ZNF609: variants seen among roughly 807,000 people sequenced by gnomAD.
ZNF609 encodes zinc finger protein 609.
A neutral mutation model predicts 109.5 loss-of-function variants in ZNF609; 11 were observed. The observed-to-expected ratio is 0.10, with a 90% CI of 0.06 to 0.17. The LOEUF is 0.17. Among genes scored for constraint, ZNF609 ranks in the 10% least tolerant of loss-of-function variants. The probability of loss-of-function intolerance (pLI) is 1.00; values close to 1 mark genes in which losing one functional copy is unlikely to be tolerated. For missense variants in ZNF609, 1,559 were observed against 1,772.4 expected (o/e 0.88, Z 2.16); for synonymous variants, 646 against 662.0 (o/e 0.98, Z 0.37).
intron 3 of ZNF609, among the ~76,000 whole-genome samples, chr15:64,623,653 T>A (rs900133222): frequency 1.3e-5 from 2 of 152,194 alleles, no homozygotes; most frequent in Non-Finnish European, 2.9e-5. Flanking sequence ...TCACTGTAGG[T>A]TGCTGTTGCC....
intron 2 of ZNF609, among the ~76,000 whole-genome samples, chr15:64,575,451 A>G (rs563650951): frequency 3.2e-4 from 48 of 152,054 alleles, no homozygotes; most frequent in African/African-American, 1.2e-3. Flanking sequence ...GGGGAAAACC[A>G]GAGGTTATCT....
chr15:64,591,790 G>A (rs1042490275), intron 2 of ZNF609, among the ~76,000 whole-genome samples: 18 of 151,388 alleles, frequency 1.2e-4, no homozygotes, highest in East Asian at 9.8e-4. Flanking sequence ...GCACGATCTC[G>A]ACCTACCGTG....
chr15:64,648,126 A>G (rs1015212048), intron 3 of ZNF609, among the ~76,000 whole-genome samples: 1 of 152,336 alleles, frequency 6.6e-6, no homozygotes. Context: ...TTAGTGTTTT[A>G]CACCGAAAAT....
At chr15:64,490,269 GTTGTTTTTT>G (rs2140343891) in intron 1 of ZNF609, among the ~76,000 whole-genome samples, 1 of 16,726 alleles carries the variant, frequency 6.0e-5, no homozygotes, top group African/African-American at 9.4e-5. Flanking sequence ...CCGGCCAGTA[GTTGTTTTTT>G]TTTTTTTTTT....
intron 4 of ZNF609, among the ~76,000 whole-genome samples, chr15:64,672,158 G>A (rs1361106096): frequency 2.0e-5 from 3 of 150,176 alleles, no homozygotes; most frequent in South Asian, 4.2e-4. Flanking sequence ...GACTACAGGC[G>A]CCCGCCACCA....
chr15:64,626,144 T>C (rs543034708), intron 3 of ZNF609, among the ~76,000 whole-genome samples: 22 of 152,140 alleles, frequency 1.4e-4, no homozygotes, highest in Admixed American at 9.8e-4. Context: ...TCCCACTTAC[T>C]GTATTTCAAG....
intron 2 of ZNF609, among the ~76,000 whole-genome samples, chr15:64,578,556 G>A (rs556476396): frequency 7.2e-4 from 109 of 152,260 alleles, no homozygotes; most frequent in African/African-American, 2.4e-3. Context: ...AGCCATGTGT[G>A]GTGGCGTGCA....
chr15:64,543,090 C>T (rs555374990), intron 2 of ZNF609, among the ~76,000 whole-genome samples: 3 of 152,116 alleles, frequency 2.0e-5, no homozygotes, highest in South Asian at 2.1e-4. Context: ...AGCAAACCAC[C>T]GTGGGACGTG....
At chr15:64,579,465 G>T (rs1309304951) in intron 2 of ZNF609, among the ~76,000 whole-genome samples, 1 of 151,558 alleles carries the variant, frequency 6.6e-6, no homozygotes, top group Non-Finnish European at 1.5e-5. Context: ...GAAATCCCAG[G>T]TGCGGGAGGC....
intron 2 of ZNF609, among the ~76,000 whole-genome samples, chr15:64,556,203 T>C (rs983951486): frequency 6.6e-6 from 1 of 151,836 alleles, no homozygotes; most frequent in Non-Finnish European, 1.5e-5. Flanking sequence ...GCTATGTTGC[T>C]CAGGCTGGTC....
intron 2 of ZNF609, among the ~76,000 whole-genome samples, chr15:64,535,660 C>G (rs1434205964): frequency 6.6e-6 from 1 of 152,088 alleles, no homozygotes; most frequent in Admixed American, 6.6e-5. Flanking sequence ...AGTGCAGTTG[C>G]TGGGTCATAT....
chr15:64,490,848 G>C (rs1310916871), intron 1 of ZNF609, among the ~76,000 whole-genome samples: 3 of 152,210 alleles, frequency 2.0e-5, no homozygotes, highest in African/African-American at 7.2e-5. Flanking sequence ...AGTTGCTTAT[G>C]TGAAATGAAA....
intron 2 of ZNF609, among the ~76,000 whole-genome samples, chr15:64,578,205 C>T (rs946711454): frequency 1.3e-5 from 2 of 150,884 alleles, no homozygotes; most frequent in East Asian, 3.9e-4. Flanking sequence ...AGTGCAATGG[C>T]ATGATCTCAG....
At chr15:64,561,194 C>G (rs563990643) in intron 2 of ZNF609, among the ~76,000 whole-genome samples, 2 of 152,178 alleles carry the variant, frequency 1.3e-5, no homozygotes, top group Admixed American at 1.3e-4. Flanking sequence ...CTTTATCTAA[C>G]GTGGTACCCT....
chr15:64,635,420 G>C (rs150074124), intron 3 of ZNF609, among the ~76,000 whole-genome samples: 1 of 152,090 alleles, frequency 6.6e-6, no homozygotes, highest in Admixed American at 6.6e-5. Flanking sequence ...GAGCCTTGGT[G>C]TTTTCTTGCT....
intron 2 of ZNF609, among the ~76,000 whole-genome samples, chr15:64,591,402 T>A (rs1895294539): frequency 6.6e-6 from 1 of 152,062 alleles, no homozygotes; most frequent in Non-Finnish European, 1.5e-5. Context: ...CACTCCAGCC[T>A]GGGCGACAGA....
chr15:64,593,930 C>A (rs765320799), intron 2 of ZNF609, among the ~76,000 whole-genome samples: 1 of 152,228 alleles, frequency 6.6e-6, no homozygotes, highest in Non-Finnish European at 1.5e-5. Flanking sequence ...TGTGTTGGAA[C>A]TCCTTGACTG....
Position 64,575,659 on chromosome 15 carries a change from T to A in ZNF609, c.748-47168T>A, listed in dbSNP as rs190970413. Among the ~76,000 whole-genome samples, 468 of 152,284 alleles carry A rather than the reference T, an allele frequency of 3.1e-3. 5 individuals carry two copies. Among genetic ancestry groups the A allele is most frequent in the Non-Finnish European group, 5.4e-3 (367 of 68,022 alleles). ...CTATTAATTATATAAATTAATGGGA[T>A]CCCAGGTAGTATTTGTATATTTACA... is the stretch of plus-strand genomic sequence containing the variant. On this transcript the variant is annotated intron_variant, in intron 2 of 9. Transcript: ENST00000326648.
chr15:64,545,122 T>C (rs987052568), intron 2 of ZNF609, among the ~76,000 whole-genome samples: 1 of 152,228 alleles, frequency 6.6e-6, no homozygotes, highest in Non-Finnish European at 1.5e-5. Flanking sequence ...TTTAGACCTT[T>C]CTTTTGCAAC....
Sources: allele counts gnomAD v4.1 joint callset (sites outside exome capture counted in the v4.1 genomes callset), GRCh38; gene constraint gnomAD v4.1.1; transcripts MANE v1.5; gene names NCBI Gene and HGNC (gene_info 2026-07-23, HGNC 2026-07-21).